The following RIN2 variants were observed in gnomAD, a reference collection of about 807,000 sequenced individuals.
The protein encoded by RIN2 is Ras and Rab interactor 2.
A neutral mutation model predicts 78.0 loss-of-function variants in RIN2; 36 were observed. That is an observed-to-expected ratio of 0.46 (90% CI 0.35 to 0.61). The LOEUF (loss-of-function observed/expected upper bound fraction) is 0.61. RIN2 is among the 20% of genes least tolerant of loss of function. The probability of loss-of-function intolerance (pLI) is 0.00; values close to 1 mark genes in which losing one functional copy is unlikely to be tolerated. For synonymous variants in RIN2, 466 were observed against 466.8 expected (o/e 1.00, Z 0.02); for missense variants, 1,087 against 1,159.7 (o/e 0.94, Z 0.91).
Position 19,974,778 on chromosome 20 carries a change from T to C in RIN2, c.753T>C (p.Ser251=), listed in dbSNP as rs1375438112. 1.2e-6 allele frequency: 2 copies of C among 1,614,018 alleles called. No homozygotes were observed. Among genetic ancestry groups the C allele is most frequent in the East Asian group, 2.2e-5 (1 of 44,870 alleles). Residue 251 remains serine (S), a synonymous_variant, in exon 9 of 13, where the codon TCT becomes TCC. Coordinates refer to ENST00000255006, the MANE Select transcript of RIN2 (RefSeq NM_018993.4). ...TCTGCCTTATAAATGGAGTGCATTC[T>C]ATCAAAACCAGGACGCCTTCAGAGC... The part of the protein sequence containing the change: ...RQLCLINGVH[S]IKTRTPSELE...
intron 8 of RIN2, among the ~76,000 whole-genome samples, chr20:19,972,101 G>T (rs976880406): frequency 1.3e-5 from 2 of 152,078 alleles, no homozygotes; most frequent in Non-Finnish European, 2.9e-5. Flanking sequence ...CTGTCTGATG[G>T]CAAGACTGGG....
intron 1 of RIN2, among the ~76,000 whole-genome samples, chr20:19,775,979 T>C (rs1375677587): frequency 6.6e-6 from 1 of 152,252 alleles, no homozygotes; most frequent in African/African-American, 2.4e-5. Flanking sequence ...GTGATGTGTA[T>C]AGCTTATTAA....
intron 8 of RIN2, among the ~76,000 whole-genome samples, chr20:19,971,390 C>T (rs541315706): frequency 2.4e-4 from 37 of 152,226 alleles, no homozygotes; most frequent in Admixed American, 6.5e-4. Flanking sequence ...GTCCCTTTGC[C>T]GATGTCCCCT....
At chr20:19,842,409 T>TTTC (rs2036609659) in intron 2 of RIN2, among the ~76,000 whole-genome samples, 1 of 134,850 alleles carries the variant, frequency 7.4e-6, no homozygotes, top group East Asian at 2.1e-4. Flanking sequence ...TTTTTTTTTT[T>TTTC]TTTTGTATTT....
intron 2 of RIN2, among the ~76,000 whole-genome samples, chr20:19,873,059 G>A (rs755181787): frequency 7.2e-5 from 11 of 151,770 alleles, no homozygotes; most frequent in Non-Finnish European, 1.6e-4. Context: ...GACTCAAATA[G>A]CACTTACATA....
At chr20:19,793,369 G>A (rs935107990) in intron 1 of RIN2, among the ~76,000 whole-genome samples, 2 of 152,148 alleles carry the variant, frequency 1.3e-5, no homozygotes, top group Non-Finnish European at 2.9e-5. Flanking sequence ...CAGGGCCCGT[G>A]GCTGCTATAT....
In RIN2 at chr20:19,800,246, T is replaced by A. The variant is rs190145741; in HGVS notation, c.-37+499T>A. ...GTTCTCCACTTTTTGTAGTTTTTTT[T>A]ATAATAGAATTATAAATCTTCACAT... On this transcript the variant is annotated intron_variant, in intron 2 of 12. Transcript: ENST00000255006. Among the ~76,000 whole-genome samples, 77 of 152,338 alleles carry A rather than the reference T, an allele frequency of 5.1e-4. 1 individual carries two copies. Among genetic ancestry groups the A allele is most frequent in the East Asian group, 1.2e-3 (6 of 5,182 alleles).
In RIN2 at chr20:19,975,750, C is replaced by T. The variant is rs758058372; in HGVS notation, c.1725C>T (p.Asp575=). Residue 575 remains aspartate, a synonymous_variant, in exon 9 of 13, where the codon GAC becomes GAT. Coordinates refer to ENST00000255006, the MANE Select transcript of RIN2 (RefSeq NM_018993.4). The surrounding 1 kb of genome is among the most constrained non-coding windows in gnomAD (Gnocchi z 4.9). ...ATTTGTCTCAGAGCTCGGAGCTGGACCCCCCCATCGAGTCGCTGATCCCTG... is the reference window on the plus strand; with the variant it reads ...ATTTGTCTCAGAGCTCGGAGCTGGATCCCCCCATCGAGTCGCTGATCCCTG... The part of the protein sequence containing the change: ...KNYLSQSSEL[D]PPIESLIPED... 5.6e-6 allele frequency: 9 copies of T among 1,611,788 alleles called. No individual in the cohort carries two copies. The highest frequency in any genetic ancestry group is 5.9e-6 in the Non-Finnish European group (7 of 1,179,106).
chr20:19,995,897 C>T (rs971239356), intron 11 of RIN2, among the ~76,000 whole-genome samples: 2 of 152,068 alleles, frequency 1.3e-5, no homozygotes, highest in Non-Finnish European at 2.9e-5. Flanking sequence ...CAAGTGTTGC[C>T]ACGAGTCTGG....
In RIN2 at chr20:19,814,595, G is replaced by A. The variant is rs559083002; in HGVS notation, c.-37+14848G>A. On this transcript the variant is annotated intron_variant, in intron 2 of 12. Coordinates refer to ENST00000255006, the MANE Select transcript of RIN2 (RefSeq NM_018993.4). ...AAAGTCATTCAATCTCTGGTCTATAGTAATTTTATATTTTATATTTTGGAG... is the reference window on the plus strand; with the variant it reads ...AAAGTCATTCAATCTCTGGTCTATAATAATTTTATATTTTATATTTTGGAG... 1.1e-4 allele frequency among the ~76,000 whole-genome samples: 16 copies of A among 152,198 alleles called. No homozygotes were observed. In the East Asian group the frequency reaches 3.1e-3, roughly 29 times the overall value.
At chr20:19,946,489 G>A (rs1387839982) in intron 4 of RIN2, among the ~76,000 whole-genome samples, 1 of 152,122 alleles carries the variant, frequency 6.6e-6, no homozygotes, top group African/African-American at 2.4e-5. Flanking sequence ...AGGCCAAGGT[G>A]GGAGGATTGA....
intron 3 of RIN2, among the ~76,000 whole-genome samples, chr20:19,892,026 G>T (rs2038490063): frequency 6.6e-6 from 1 of 152,036 alleles, no homozygotes; most frequent in Non-Finnish European, 1.5e-5. Flanking sequence ...TGTATTTCTG[G>T]GCTATGCTAT....
intron 2 of RIN2, among the ~76,000 whole-genome samples, chr20:19,846,576 G>C (rs1437947208): frequency 6.6e-6 from 1 of 152,230 alleles, no homozygotes; most frequent in Non-Finnish European, 1.5e-5. Flanking sequence ...TTTGTATCTT[G>C]AGACTTTGCT....
At chr20:19,842,467 C>T (rs1213549499) in intron 2 of RIN2, among the ~76,000 whole-genome samples, 1 of 130,564 alleles carries the variant, frequency 7.7e-6, no homozygotes, top group African/African-American at 2.8e-5. Context: ...GTCTCGAACT[C>T]TGGACCTCAG....
At chr20:19,897,731 A>G (rs1407522779) in intron 3 of RIN2, among the ~76,000 whole-genome samples, 5 of 142,170 alleles carry the variant, frequency 3.5e-5, no homozygotes, top group African/African-American at 5.2e-5. Context: ...TTTTTTTTTG[A>G]GTTGGAATCT....
At chr20:20,000,427 T>C (rs1164151885) in intron 12 of RIN2, among the ~76,000 whole-genome samples, 186 bp from the exon 13 acceptor site, 1 of 152,218 alleles carries the variant, frequency 6.6e-6, no homozygotes, top group African/African-American at 2.4e-5. Context: ...TGTAGTCATC[T>C]TCGCCACTGT....
intron 2 of RIN2, among the ~76,000 whole-genome samples, chr20:19,862,033 C>A (rs1260308462): frequency 2.0e-5 from 3 of 151,596 alleles, no homozygotes; most frequent in African/African-American, 4.9e-5. Flanking sequence ...CCCTCCATAT[C>A]TGATCACCCT....
intron 2 of RIN2, among the ~76,000 whole-genome samples, chr20:19,822,251 G>A (rs907443180): frequency 3.9e-5 from 6 of 152,168 alleles, no homozygotes; most frequent in African/African-American, 1.2e-4. Context: ...ACAGTGGGGT[G>A]AGAAATGCCT....
intron 2 of RIN2, among the ~76,000 whole-genome samples, chr20:19,888,231 C>T (rs1311368738): frequency 6.6e-6 from 1 of 152,154 alleles, no homozygotes; most frequent in Non-Finnish European, 1.5e-5. Context: ...GTGGGATGCT[C>T]TGTGTCACTA....
Sources: gnomAD v4.1 joint callset for allele counts (sites outside exome capture counted in the v4.1 genomes callset) on GRCh38, gnomAD v4.1.1 for gene constraint, Gnocchi (gnomAD v3.1) non-coding constraint, MANE v1.5 for transcripts, NCBI Gene and HGNC (gene_info 2026-07-23, HGNC 2026-07-21) for gene names.